FGA: variants seen among roughly 807,000 people sequenced by gnomAD.
FGA encodes the protein fibrinogen alpha chain.
A neutral mutation model predicts 20.3 loss-of-function variants in FGA; 20 were observed. That is an observed-to-expected ratio of 0.99 (90% CI 0.69 to 1.43). The LOEUF (loss-of-function observed/expected upper bound fraction) is 1.43, where lower values mean the gene tolerates loss of function less well. FGA is among the 40% of genes most tolerant of loss of function. The pLI is 0.00. For missense variants in FGA, 777 were observed against 784.7 expected (o/e 0.99, Z 0.12); for synonymous variants, 306 against 281.6 (o/e 1.09, Z -0.87).
downstream of FGA, chr4:154,584,631 G>C: frequency 6.2e-7 from 1 of 1,614,110 alleles, no homozygotes. Flanking sequence ...CGTCATTCAG[G>C]CTGCCGAAAC....
At chr4:154,587,777 A>AAGAC (rs1730770706) in intron 3 of FGA, 120 bp from the exon 4 acceptor site, 1 of 701,394 alleles carries the variant, frequency 1.4e-6, no homozygotes, top group African/African-American at 1.8e-5. Context: ...GAAAGAAAGA[A>AAGAC]AGAAAGAAAG....
At position 154,585,425 on chromosome 4, in the gene FGA, G is replaced by A; in HGVS notation, c.*69C>T. ...ACCAAAAAAGTGTAGTTTCAATGAC[G>A]TGTAACAGAGAGTTAAGAAGGAAAT... On this transcript the variant is annotated 3_prime_UTR_variant, in exon 5 of 5. Transcript: ENST00000403106. The A allele has an allele frequency of 6.6e-6, 8 of 1,213,476 alleles. No homozygotes were observed. The highest frequency in any genetic ancestry group is 4.7e-5 in the East Asian group (2 of 42,118). 75.2% of individuals were successfully genotyped at this position (1,213,476 alleles called of 1,614,324 possible).
downstream of FGA, chr4:154,584,326 G>A: frequency 1.2e-6 from 2 of 1,614,086 alleles, no homozygotes; most frequent in Non-Finnish European, 1.7e-6. Context: ...ATAGACTTCT[G>A]CACAGTTCTC....
intron 3 of FGA, among the ~76,000 whole-genome samples, chr4:154,588,175 T>G (rs181221114): frequency 1.3e-5 from 2 of 152,314 alleles, no homozygotes; most frequent in Admixed American, 6.5e-5. Context: ...ACAGGATCAC[T>G]CACTTGCCAG....
Position 154,585,327 on chromosome 4 carries a change from G to T in FGA, c.*167C>A. 2 of 1,183,492 alleles carry T rather than the reference G, an allele frequency of 1.7e-6. No homozygotes were observed. The highest frequency in any genetic ancestry group is 2.3e-6 in the Non-Finnish European group (2 of 864,244). 73.3% of individuals were successfully genotyped at this position (1,183,492 alleles called of 1,614,324 possible). On this transcript the variant is annotated 3_prime_UTR_variant, in exon 5 of 5. Coordinates refer to ENST00000403106, the MANE Select transcript of FGA (RefSeq NM_021871.4). ...TTGAGTCATGGCTCTGTACTGTTAG[G>T]CATTTGGGAATACAGAGATGAGACA...
At position 154,589,442 on chromosome 4, in the gene FGA, C is replaced by G; in HGVS notation, c.175G>C (p.Asp59His). The change falls in exon 2 of 5, where the codon GAC becomes CAC. Residue 59 changes from aspartate to histidine, a missense_variant. Physicochemically the swap from Asp to His is moderately conservative, Grantham distance 81. Transcript: ENST00000403106. ...DSDWPFCSDE[D>H]WNYKCPSGCR... is the part of the protein sequence containing the mutation. ...TTCCCCCGCTGACTGCTTACCCAGT[C>G]TTCATCAGAGCAGAAGGGCCAGTCT... 1 of 1,614,050 alleles carries G rather than the reference C, an allele frequency of 6.2e-7. No individual in the cohort carries two copies. The highest frequency in any genetic ancestry group is 8.5e-7 in the Non-Finnish European group (1 of 1,180,010).
chr4:154,587,744 G>GA (rs1730764309), intron 3 of FGA, 87 bp from the exon 4 acceptor site: 1 of 513,280 alleles, frequency 1.9e-6, no homozygotes, highest in African/African-American at 3.6e-5. Flanking sequence ...AAGGAAGGAA[G>GA]GAGAAAGAAA....
At chr4:154,587,024 T>C in intron 4 of FGA, 106 bp from the exon 5 acceptor site, 1 of 1,162,046 alleles carries the variant, frequency 8.6e-7, no homozygotes. Context: ...TGGTTTCATT[T>C]TTTTTGACTC....
At position 154,590,670 on chromosome 4, in the gene FGA, G is replaced by A. The variant is rs781476643; in HGVS notation, c.18C>T (p.Ile6=). Residue 6 remains isoleucine, a synonymous_variant, in exon 1 of 5, where the codon ATC becomes ATT. Transcript: ENST00000403106. MFSMR[I]VCLVLSVVGT... is the part of the protein sequence containing the mutation. ...CCACCACACTTAGGACCAGGCAGAC[G>A]ATCCTCATGGAAAACATCTTTTCTA... 13 of 1,557,514 alleles carry A rather than the reference G, an allele frequency of 8.3e-6. No homozygotes were observed. The highest frequency in any genetic ancestry group is 7.8e-5 in the Admixed American group (4 of 51,518).
intron 3 of FGA, among the ~76,000 whole-genome samples, chr4:154,587,868 CTG>C (rs1730777921): frequency 6.6e-6 from 1 of 152,146 alleles, no homozygotes; most frequent in Non-Finnish European, 1.5e-5. Context: ...ACAGTTTAAT[CTG>C]TGAGTTCAAA....
chr4:154,588,615 G>A (rs1327673321), intron 3 of FGA, among the ~76,000 whole-genome samples, 178 bp downstream of exon 3: 2 of 152,070 alleles, frequency 1.3e-5, no homozygotes, highest in Non-Finnish European at 2.9e-5. Flanking sequence ...CTTTTACTTT[G>A]AAAAAATAAC....
chr4:154,589,517 C>T lies in FGA; in HGVS notation c.100G>A (p.Val34Met), dbSNP rs746367635. ...EGDFLAEGGGVRGPRVVERHQ... is the reference protein window; with the variant it reads ...EGDFLAEGGGMRGPRVVERHQ... Reference sequence around the variant, plus strand: ...CTTTCCACAACCCTTGGGCCACGCACGCCTCCTCCTTCAGCTAGAAAGTCA... The same window carrying T: ...CTTTCCACAACCCTTGGGCCACGCATGCCTCCTCCTTCAGCTAGAAAGTCA... Residue 34 changes from valine to methionine, a missense_variant, in exon 2 of 5, where the codon GTG (valine) becomes ATG (methionine). Coordinates refer to ENST00000403106, the MANE Select transcript of FGA (RefSeq NM_021871.4). 6 of 1,613,916 alleles carry T rather than the reference C, an allele frequency of 3.7e-6. No individual in the cohort carries two copies. Among genetic ancestry groups the T allele is most frequent in the South Asian group, 3.3e-5 (3 of 91,076 alleles).
intron 1 of FGA, 82 bp downstream of exon 1, chr4:154,590,552 A>C: frequency 8.6e-7 from 1 of 1,158,530 alleles, no homozygotes; most frequent in South Asian, 1.3e-5. Context: ...CAGGACATAG[A>C]GCAGGTAGAC....
At chr4:154,584,436 A>G (rs769797158), downstream of FGA, 106 of 1,613,898 alleles carry the variant, frequency 6.6e-5, no homozygotes, top group Middle Eastern at 3.3e-4. Context: ...TCAGAGCATC[A>G]CCCGCAGTGC....
At position 154,586,135 on chromosome 4, in the gene FGA, T is replaced by G; in HGVS notation, c.1294A>C (p.Lys432Gln). 1 of 1,614,172 alleles carries G rather than the reference T, an allele frequency of 6.2e-7. No individual in the cohort carries two copies. The highest frequency in any genetic ancestry group is 8.5e-7 in the Non-Finnish European group (1 of 1,180,020). Residue 432 changes from lysine to glutamine, a missense_variant, in exon 5 of 5, where the codon AAA (lysine) becomes CAA (glutamine). Coordinates refer to ENST00000403106, the MANE Select transcript of FGA (RefSeq NM_021871.4). ...TTATCTCCTTTAGAAGTGACCAGTTTTTCTGTGTGGTACTCTCTCCTTGTC... is the reference window on the plus strand; with the variant it reads ...TTATCTCCTTTAGAAGTGACCAGTTGTTCTGTGTGGTACTCTCTCCTTGTC... ...PGTRREYHTE[K>Q]LVTSKGDKEL...
chr4:154,584,161 G>T (rs780648473), downstream of FGA: 1 of 1,574,740 alleles, frequency 6.4e-7, no homozygotes, highest in Admixed American at 1.7e-5. Flanking sequence ...CATGCGAACA[G>T]CCCTGAGGGA....
chr4:154,585,485 T>C lies in FGA; in HGVS notation c.*9A>G. On this transcript the variant is annotated 3_prime_UTR_variant, in exon 5 of 5. Coordinates refer to ENST00000403106, the MANE Select transcript of FGA (RefSeq NM_021871.4). The stretch of plus-strand genomic sequence containing the variant: ...CATGGGAACACTGTGCAGAAATATT[T>C]AACTTAGTCTAGGGGGACAGGGAAG... 1 of 1,530,262 alleles carries C rather than the reference T, an allele frequency of 6.5e-7. No homozygotes were observed. Among genetic ancestry groups the C allele is most frequent in the Non-Finnish European group, 9.1e-7 (1 of 1,104,078 alleles). 94.8% of individuals were successfully genotyped at this position (1,530,262 alleles called of 1,614,324 possible). A position where few individuals can be genotyped will look rare whatever the true frequency, so the allele number is the denominator to read the frequency against.
chr4:154,585,520 AAGG>A lies in FGA; in HGVS notation c.1906_1908del (p.Pro636del). On this transcript the variant is annotated inframe_deletion, in exon 5 of 5. Coordinates refer to ENST00000403106, the MANE Select transcript of FGA (RefSeq NM_021871.4). The stretch of plus-strand genomic sequence containing the variant: ...TAGGGGGACAGGGAAGGCTTCCCCA[AAGG>A]AGAAGTGTGGATACCTCTGACAGGG... 6.2e-7 allele frequency: 1 copy of A among 1,608,370 alleles called. No homozygotes were observed. The highest frequency in any genetic ancestry group is 1.1e-5 in the South Asian group (1 of 90,976).
chr4:154,586,072 T>C lies in FGA; in HGVS notation c.1357A>G (p.Ser453Gly), dbSNP rs1578795510. The change falls in exon 5 of 5, where the codon AGC (serine) becomes GGC (glycine). Residue 453 changes from serine (S) to glycine (G), a missense_variant. Physicochemically the swap from Ser to Gly is moderately conservative, Grantham distance 56 (BLOSUM62 0). Coordinates refer to ENST00000403106, the MANE Select transcript of FGA (RefSeq NM_021871.4). ...RTGKEKVTSG[S>G]TTTTRRSCSK... ...CATGAACGACGCGTGGTGGTTGTGC[T>C]ACCAGAGGTGACCTTCTCTTTACCA... The C allele has an allele frequency of 6.2e-7, 1 of 1,614,172 alleles. No homozygotes were observed. The highest frequency in any genetic ancestry group is 8.5e-7 in the Non-Finnish European group (1 of 1,180,008).
Sources: gnomAD v4.1 joint callset for allele counts (sites outside exome capture counted in the v4.1 genomes callset) on GRCh38, gnomAD v4.1.1 for gene constraint, MANE v1.5 for transcripts, NCBI Gene and HGNC (gene_info 2026-07-23, HGNC 2026-07-21) for gene names.